Variants in B4GALT5 observed in about 807,000 individuals in gnomAD.
B4GALT5 encodes UDP-Gal:beta-GlcNAc beta-1,4-galactosyltransferase 5.
Under a neutral mutation model 45.0 loss-of-function variants are expected in B4GALT5, and 11 were observed. That is an observed-to-expected ratio of 0.24 (90% CI 0.15 to 0.40). The LOEUF is 0.40. Among genes scored for constraint, B4GALT5 ranks in the 10% least tolerant of loss-of-function variants. B4GALT5 has a pLI of 1.00. For synonymous variants in B4GALT5, 185 were observed against 182.9 expected, an observed-to-expected ratio of 1.01 and a Z score of -0.09; for missense variants, 337 against 500.2, an observed-to-expected ratio of 0.67 and a Z score of 3.11.
Position 49,702,854 on chromosome 20 carries a change from C to CA in B4GALT5, c.115+10721dup, listed in dbSNP as rs550473949. ...TGGGCAACAGAGCGAGAGTCCATCT[C>CA]AAAAAACAAAAAAAAACCCTAAAAA... On this transcript the variant is annotated intron_variant, in intron 1 of 8. Transcript: ENST00000371711. Among the ~76,000 whole-genome samples the CA allele has an allele frequency of 3.2e-3, 478 of 149,278 alleles. 1 individual carries two copies. Among genetic ancestry groups the CA allele is most frequent in the Non-Finnish European group, 4.2e-3 (283 of 67,314 alleles).
intron 1 of B4GALT5, among the ~76,000 whole-genome samples, chr20:49,698,414 T>A (rs1299755622): frequency 6.6e-6 from 1 of 152,066 alleles, no homozygotes; most frequent in Admixed American, 6.6e-5. Context: ...ACCCAAAAAG[T>A]AGCTCTTACC....
rs76393132 is a variant in B4GALT5, at chr20:49,642,250, C to CA, written c.606+217dup. Among the ~76,000 whole-genome samples the CA allele has an allele frequency of 1.2e-3, 176 of 152,284 alleles. 4 individuals are homozygous for CA. The East Asian group carries it at 0.031, about 27-fold the overall frequency. On this transcript the variant is annotated intron_variant, in intron 5 of 8. Transcript: ENST00000371711. ...CAAGAGGCCTTTGTTCATGAGCCAA[C>CA]AAAGCTCTCTCCTGGATTCAAGTGT...
intron 1 of B4GALT5, among the ~76,000 whole-genome samples, chr20:49,676,221 G>T (rs1486941892): frequency 2.6e-5 from 4 of 151,996 alleles, no homozygotes; most frequent in Non-Finnish European, 5.9e-5. Flanking sequence ...GTGTGTTACA[G>T]GAAAGCTATT....
chr20:49,682,765 G>A (rs200275978), intron 1 of B4GALT5, among the ~76,000 whole-genome samples: 3 of 138,630 alleles, frequency 2.2e-5, no homozygotes, highest in Non-Finnish European at 4.8e-5. Context: ...ATGTAGTTAA[G>A]AGTATTATTA....
intron 1 of B4GALT5, among the ~76,000 whole-genome samples, chr20:49,695,865 A>T (rs1003908695): frequency 2.0e-5 from 3 of 152,254 alleles, no homozygotes; most frequent in Non-Finnish European, 4.4e-5. Flanking sequence ...CAACACATTG[A>T]GTTTCAATCT....
intron 8 of B4GALT5, among the ~76,000 whole-genome samples, chr20:49,636,942 A>G (rs1252846359): frequency 1.3e-5 from 2 of 152,118 alleles, no homozygotes; most frequent in Non-Finnish European, 2.9e-5. Flanking sequence ...ACACAAAGAA[A>G]GAAAAGGTAA....
chr20:49,706,970 T>G (rs1568736800), intron 1 of B4GALT5, among the ~76,000 whole-genome samples: 1 of 152,194 alleles, frequency 6.6e-6, no homozygotes, highest in East Asian at 1.9e-4. Flanking sequence ...CAGAGAGCTC[T>G]AAAGAGGCAT....
chr20:49,647,103 G>A (rs968405209), intron 2 of B4GALT5, 25 bp from the exon 3 acceptor site: 13 of 1,451,550 alleles, frequency 9.0e-6, no homozygotes, highest in African/African-American at 4.2e-5. Flanking sequence ...GAAAAAAGTC[G>A]ATCAGACTGG....
chr20:49,686,279 T>C (rs2085785124), intron 1 of B4GALT5, among the ~76,000 whole-genome samples: 1 of 152,234 alleles, frequency 6.6e-6, no homozygotes, highest in Non-Finnish European at 1.5e-5. Flanking sequence ...AAATGGTTAC[T>C]ACTTACATTC....
chr20:49,702,579 G>A (rs1344596631), intron 1 of B4GALT5, among the ~76,000 whole-genome samples: 1 of 152,170 alleles, frequency 6.6e-6, no homozygotes, highest in East Asian at 1.9e-4. Flanking sequence ...AACAGGCCGG[G>A]CATGGTGGCT....
At position 49,713,870 on chromosome 20, in the gene B4GALT5, G is replaced by C. The variant is rs1377456997; in HGVS notation, c.-180C>G. 1 of 148,178 alleles carries C rather than the reference G, an allele frequency of 6.7e-6. No individual in the cohort carries two copies. The highest frequency in any genetic ancestry group is 6.8e-5 in the Admixed American group (1 of 14,804). The allele number at this position is 148,178 out of a possible 1,614,324, so 9.2% of individuals were successfully genotyped here. On this transcript the variant is annotated 5_prime_UTR_variant, in exon 1 of 9. Coordinates refer to ENST00000371711, the MANE Select transcript of B4GALT5 (RefSeq NM_004776.4). ...TCCCAGCCGCCGGCCGTCGCGGGCC[G>C]GGCCACATGAAGCGGGCGGGGGCCA...
chr20:49,691,311 G>GT (rs750910582), intron 1 of B4GALT5, among the ~76,000 whole-genome samples: 1 of 152,084 alleles, frequency 6.6e-6, no homozygotes, highest in Non-Finnish European at 1.5e-5. Flanking sequence ...GAGCCCAGGA[G>GT]TTTGAGACCA....
chr20:49,702,688 C>T (rs1028967780), intron 1 of B4GALT5, among the ~76,000 whole-genome samples: 1 of 151,898 alleles, frequency 6.6e-6, no homozygotes, highest in Admixed American at 6.6e-5. Flanking sequence ...AATCCCATCT[C>T]TACAAATAAT....
At chr20:49,654,659 C>T (rs956724722) in intron 2 of B4GALT5, among the ~76,000 whole-genome samples, 4 of 152,286 alleles carry the variant, frequency 2.6e-5, no homozygotes, top group South Asian at 2.1e-4. Context: ...CAGAATAATT[C>T]GCATTTGCAA....
intron 4 of B4GALT5, 109 bp downstream of exon 4, chr20:49,643,417 T>G: frequency 7.1e-7 from 1 of 1,400,480 alleles, no homozygotes; most frequent in Non-Finnish European, 9.8e-7. Context: ...CATGGAATGG[T>G]AGGATGAAAA....
At chr20:49,694,554 T>C (rs933065882) in intron 1 of B4GALT5, among the ~76,000 whole-genome samples, 7 of 151,704 alleles carry the variant, frequency 4.6e-5, no homozygotes, top group African/African-American at 1.5e-4. Flanking sequence ...GGAGGATCAC[T>C]TGGGCCCAGG....
At position 49,636,316 on chromosome 20, in the gene B4GALT5, T is replaced by C. The variant is rs775907435; in HGVS notation, c.1163A>G (p.Tyr388Cys). Residue 388 changes from tyrosine to cysteine, a missense_variant, in exon 9 of 9, where the codon TAC (tyrosine) becomes TGC (cysteine). Transcript: ENST00000371711. The part of the protein sequence containing the change: ...LTPELAQVNE[Y>C] ...GCAAACGTACATTCTCTCCTCTCAG[T>C]ACTCGTTCACCTGAGCCAGCTCGGG... is the stretch of plus-strand genomic sequence containing the variant. 2.5e-6 allele frequency: 4 copies of C among 1,614,040 alleles called. No individual in the cohort carries two copies. The East Asian group carries it at 8.9e-5, about 36-fold the overall frequency.
Position 49,713,681 on chromosome 20 carries a change from G to C in B4GALT5, c.10C>G (p.Arg4Gly), listed in dbSNP as rs2085931650. 6.7e-7 allele frequency: 1 copy of C among 1,491,874 alleles called. No homozygotes were observed. Among genetic ancestry groups the C allele is most frequent in the Non-Finnish European group, 9.0e-7 (1 of 1,109,292 alleles). The allele number at this position is 1,491,874 out of a possible 1,614,324, so 92.4% of individuals were successfully genotyped here. MRARRGLLRLPRRS... is the reference protein window; with the variant it reads MRAGRGLLRLPRRS... The stretch of plus-strand genomic sequence containing the variant: ...CGCGGCAGCCGCAGCAGCCCCCGGC[G>C]GGCGCGCATGCTGCAGCCAGGCGGC... Residue 4 changes from arginine (R) to glycine (G), a missense_variant, in exon 1 of 9, where the codon CGC becomes GGC. By Grantham distance (125) the Arg-to-Gly change is moderately radical (BLOSUM62 -2). This residue lies in a region of B4GALT5 where 174 missense variants were observed against 207.4 expected (regional missense o/e 0.84). Coordinates refer to ENST00000371711, the MANE Select transcript of B4GALT5 (RefSeq NM_004776.4).
chr20:49,641,888 T>G (rs894280702), intron 5 of B4GALT5, among the ~76,000 whole-genome samples: 1 of 151,506 alleles, frequency 6.6e-6, no homozygotes, highest in Non-Finnish European at 1.5e-5. Context: ...AAAACCACAG[T>G]AGGACAGTCA....
Sources: gnomAD v4.1 joint callset for allele counts (sites outside exome capture counted in the v4.1 genomes callset) on GRCh38, gnomAD v4.1.1 for gene constraint, gnomAD v4.1.1 regional missense constraint, MANE v1.5 for transcripts, NCBI Gene and HGNC (gene_info 2026-07-23, HGNC 2026-07-21) for gene names.